HIBCH: variants seen among roughly 807,000 people sequenced by gnomAD.
The protein encoded by HIBCH is 3-hydroxyisobutyryl-CoA hydrolase, mitochondrial.
HIBCH carries 50 observed loss-of-function variants against 58.2 expected under a neutral mutation model. The ratio of observed to expected loss-of-function variants is 0.86; its 90% CI spans 0.68 to 1.09. HIBCH has a LOEUF of 1.09. Ranked by LOEUF, HIBCH falls within the 50% of genes least tolerant of loss-of-function variation. The pLI, the probability that HIBCH is intolerant of heterozygous loss-of-function variation, is 0.00. For missense variants in HIBCH, 450 were observed against 449.7 expected, an observed-to-expected ratio of 1.00 and a Z score of -0.01; for synonymous variants, 151 against 146.9, an observed-to-expected ratio of 1.03 and a Z score of -0.20.
At chr2:190,296,585 T>C (rs529579185) in intron 3 of HIBCH, among the ~76,000 whole-genome samples, 4 of 152,190 alleles carry the variant, frequency 2.6e-5, no homozygotes, top group African/African-American at 9.6e-5. Context: ...AACAAATCAG[T>C]GCTATATAAA....
At chr2:190,298,093 T>C (rs1688154605) in intron 2 of HIBCH, among the ~76,000 whole-genome samples, 3 of 152,208 alleles carry the variant, frequency 2.0e-5, no homozygotes, top group Non-Finnish European at 4.4e-5. Context: ...GCTCATTCTT[T>C]TTCATGGCTG....
chr2:190,252,562 T>C (rs1686806049), intron 7 of HIBCH, among the ~76,000 whole-genome samples: 1 of 152,202 alleles, frequency 6.6e-6, no homozygotes, highest in Non-Finnish European at 1.5e-5. Context: ...GACACAATGT[T>C]TTGTATATTA....
intron 1 of HIBCH, among the ~76,000 whole-genome samples, chr2:190,317,095 ATT>A (rs1054019789): frequency 1.5e-4 from 23 of 151,854 alleles, no homozygotes; most frequent in Admixed American, 2.0e-4. Context: ...TTTATTTCTT[ATT>A]TTTTGTAGAA....
rs1461186563 is a variant in HIBCH at position 190,281,389 on chromosome 2, A to T, written c.438+6197T>A. ...TGAGCCATAGCGGGGACAACTGAGG[A>T]GCACTGTGCTGGAATTCTGGGAGCA... is the stretch of plus-strand genomic sequence containing the variant. On this transcript the variant is annotated intron_variant, in intron 6 of 13. Transcript: ENST00000359678. The surrounding 1 kb of genome is among the most constrained non-coding windows in gnomAD (Gnocchi z 5.4). Among the ~76,000 whole-genome samples the T allele has an allele frequency of 6.6e-6, 1 of 152,120 alleles. No individual in the cohort carries two copies. The highest frequency in any genetic ancestry group is 1.5e-5 in the Non-Finnish European group (1 of 68,036).
At position 190,319,794 on chromosome 2, in the gene HIBCH, G is replaced by A. The variant is rs191031819; in HGVS notation, c.-44C>T. Reference sequence around the variant, plus strand: ...TAAAGCAGCAGAGCGAGAATCTCCCGGACCGTTCCAGCGCCTCGCGTGAGC... The same window carrying A: ...TAAAGCAGCAGAGCGAGAATCTCCCAGACCGTTCCAGCGCCTCGCGTGAGC... On this transcript the variant is annotated 5_prime_UTR_variant, in exon 1 of 14. Coordinates refer to ENST00000359678, the MANE Select transcript of HIBCH (RefSeq NM_014362.4). 3,291 of 1,596,652 alleles carry A rather than the reference G, an allele frequency of 2.1e-3. 8 individuals are homozygous for A. Among genetic ancestry groups the A allele is most frequent in the Non-Finnish European group, 2.5e-3 (2,898 of 1,171,148 alleles).
chr2:190,229,691 C>A (rs910231408), intron 11 of HIBCH, among the ~76,000 whole-genome samples: 1 of 152,076 alleles, frequency 6.6e-6, no homozygotes, highest in Non-Finnish European at 1.5e-5. Context: ...ACTTGCAAGG[C>A]ACAAGAGAAA....
At chr2:190,255,604 T>C (rs1468691549) in intron 7 of HIBCH, among the ~76,000 whole-genome samples, 1 of 152,210 alleles carries the variant, frequency 6.6e-6, no homozygotes, top group Non-Finnish European at 1.5e-5. Flanking sequence ...AAGTGGTCTC[T>C]GAATATCAGA....
At chr2:190,266,941 G>C (rs953259023) in intron 6 of HIBCH, among the ~76,000 whole-genome samples, 9 of 151,012 alleles carry the variant, frequency 6.0e-5, no homozygotes, top group African/African-American at 2.2e-4. Context: ...TTTTTTAGTA[G>C]AGATGGGGTT....
rs556977231 is a variant in HIBCH, at chr2:190,303,411, T to C, written c.79-6458A>G. On this transcript the variant is annotated intron_variant, in intron 2 of 13. Transcript: ENST00000359678. ...GAAAACACGAAATGAGTCCAGAGCA[T>C]ACCTTCTAGCACCAGAAAGGAAATG... is the stretch of plus-strand genomic sequence containing the variant. 4.5e-4 allele frequency among the ~76,000 whole-genome samples: 64 copies of C among 141,616 alleles called. 1 individual carries two copies. The highest frequency in any genetic ancestry group is 9.0e-4 in the Non-Finnish European group (60 of 66,300). 92.9% of individuals were successfully genotyped at this position (141,616 alleles called of 152,430 possible). A position where few individuals can be genotyped will look rare whatever the true frequency, so the allele number is the denominator to read the frequency against.
At chr2:190,288,910 G>A (rs907719397) in intron 5 of HIBCH, among the ~76,000 whole-genome samples, 8 of 152,182 alleles carry the variant, frequency 5.3e-5, no homozygotes, top group African/African-American at 9.6e-5. Flanking sequence ...TCAGGAGTTC[G>A]AGAGCAGCCT....
At chr2:190,302,571 T>C (rs1295441688) in intron 2 of HIBCH, among the ~76,000 whole-genome samples, 2 of 152,186 alleles carry the variant, frequency 1.3e-5, no homozygotes, top group Non-Finnish European at 2.9e-5. Context: ...AACAGTCAGG[T>C]AGTTGCTTGA....
At chr2:190,248,340 T>A (rs1686668503) in intron 9 of HIBCH, among the ~76,000 whole-genome samples, 1 of 152,152 alleles carries the variant, frequency 6.6e-6, no homozygotes, top group Admixed American at 6.5e-5. Context: ...ATGGGTTTTT[T>A]TTTCTTCCAA....
chr2:190,265,121 T>TGAAAAAAAAAA (rs1559042131), intron 6 of HIBCH, among the ~76,000 whole-genome samples: 2 of 43,686 alleles, frequency 4.6e-5, no homozygotes, highest in African/African-American at 3.0e-4. Flanking sequence ...AGACTCCGTC[T>TGAAAAAAAAAA]CAAAAAAAAA....
At chr2:190,200,135 G>A (rs1690182734), downstream of HIBCH, 2 of 1,613,740 alleles carry the variant, frequency 1.2e-6, no homozygotes, top group Admixed American at 3.3e-5. Flanking sequence ...TACATTGAGA[G>A]TGAGGGGCCT....
At chr2:190,314,325 A>ACG (rs1559068373) in intron 1 of HIBCH, among the ~76,000 whole-genome samples, 3 of 2,728 alleles carry the variant, frequency 1.1e-3, no homozygotes, top group East Asian at 0.015. Flanking sequence ...ATATATGTAT[A>ACG]TATGTATATA....
chr2:190,227,896 A>T (rs112098924), intron 11 of HIBCH, among the ~76,000 whole-genome samples: 8 of 152,350 alleles, frequency 5.3e-5, no homozygotes, highest in Non-Finnish European at 1.0e-4. Flanking sequence ...TTAAAAAGTC[A>T]GGAAACGACA....
chr2:190,225,540 G>GAC lies in HIBCH; in HGVS notation c.892-12467_892-12466dup, dbSNP rs199753617. On this transcript the variant is annotated intron_variant, in intron 11 of 13. Transcript: ENST00000359678. ...TCTAGAAGAAATGGATAAATTCCTG[G>GAC]ACACATATACCCTCCCAAGACTAAA... 6.7e-3 allele frequency among the ~76,000 whole-genome samples: 1,016 copies of GAC among 152,204 alleles called. 12 individuals are homozygous for GAC. The highest frequency in any genetic ancestry group is 0.022 in the African/African-American group (922 of 41,522).
intron 11 of HIBCH, among the ~76,000 whole-genome samples, chr2:190,229,394 G>T (rs888995045): frequency 6.6e-6 from 1 of 152,190 alleles, no homozygotes; most frequent in Non-Finnish European, 1.5e-5. Flanking sequence ...ATACATGGGT[G>T]TAATTTTGCT....
intron 6 of HIBCH, among the ~76,000 whole-genome samples, chr2:190,265,122 C>CAAAAAAAAAAAAAAAAAAAA (rs1167140474): frequency 1.8e-5 from 1 of 56,280 alleles, no homozygotes; most frequent in African/African-American, 7.4e-5. Flanking sequence ...GACTCCGTCT[C>CAAAAAAAAAAAAAAAAAAAA]AAAAAAAAAA....
Sources: gnomAD v4.1 joint callset for allele counts (sites outside exome capture counted in the v4.1 genomes callset) on GRCh38, gnomAD v4.1.1 for gene constraint, Gnocchi (gnomAD v3.1) non-coding constraint, MANE v1.5 for transcripts, NCBI Gene and HGNC (gene_info 2026-07-23, HGNC 2026-07-21) for gene names.